Variants in ZNF230 observed in about 807,000 individuals in gnomAD.
ZNF230 encodes the protein zinc finger protein 230.
A neutral mutation model predicts 10.0 loss-of-function variants in ZNF230; 12 were observed. The observed-to-expected ratio is 1.20, with a 90% CI of 0.77 to 1.95. ZNF230 has a LOEUF of 1.95. ZNF230 is among the 30% of genes most tolerant of loss of function. The probability of loss-of-function intolerance (pLI) is 0.00; values close to 1 mark genes in which losing one functional copy is unlikely to be tolerated. For synonymous variants in ZNF230, 174 were observed against 193.6 expected, an observed-to-expected ratio of 0.90 and a Z score of 0.84; for missense variants, 532 against 565.8, an observed-to-expected ratio of 0.94 and a Z score of 0.61.
rs760315150 is a variant in ZNF230 at position 44,012,452 on chromosome 19, C to T, written c.*988C>T. Reference sequence around the variant, plus strand: ...TGTTTAAGTTAAATTCAGTGTTTCACCATAGCTCAGCATTCTCCCATCATC... The same window carrying T: ...TGTTTAAGTTAAATTCAGTGTTTCATCATAGCTCAGCATTCTCCCATCATC... On this transcript the variant is annotated 3_prime_UTR_variant, in exon 5 of 5. Transcript: ENST00000429154. The T allele has an allele frequency of 3.9e-6, 2 of 519,032 alleles. No homozygotes were observed. Among genetic ancestry groups the T allele is most frequent in the Middle Eastern group, 3.2e-4 (1 of 3,146 alleles). 32.2% of individuals were successfully genotyped at this position (519,032 alleles called of 1,614,324 possible). A position where few individuals can be genotyped will look rare whatever the true frequency, so the allele number is the denominator to read the frequency against.
rs566743968 is a variant in ZNF230 at position 44,011,285 on chromosome 19, C to T, written c.1246C>T (p.Arg416Trp). The T allele has an allele frequency of 1.7e-5, 27 of 1,613,890 alleles. No homozygotes were observed. The highest frequency in any genetic ancestry group is 1.2e-4 in the African/African-American group (9 of 74,864). Reference sequence around the variant, plus strand: ...TTTGAATCATAAGAAACTCCACTGCCGGAAAAAACCCTTCAAATGTGAGGA... The same window carrying T: ...TTTGAATCATAAGAAACTCCACTGCTGGAAAAAACCCTTCAAATGTGAGGA... ...SILNHKKLHCRKKPFKCEDCG... is the reference protein window; with the variant it reads ...SILNHKKLHCWKKPFKCEDCG... Residue 416 changes from arginine (R) to tryptophan (W), a missense_variant, in exon 5 of 5, where the codon CGG becomes TGG. Transcript: ENST00000429154.
In ZNF230 at chr19:44,011,363, C is replaced by T; in HGVS notation, c.1324C>T (p.His442Tyr). 1.2e-6 allele frequency: 2 copies of T among 1,614,010 alleles called. No individual in the cohort carries two copies. Among genetic ancestry groups the T allele is most frequent in the Non-Finnish European group, 8.5e-7 (1 of 1,179,916 alleles). ...RSFCKDQQGD[H>Y]NGENSSKCED... ...TTTCTGTAAAGACCAACAAGGAGACCACAATGGAGAAAACTCATCCAAATG... is the reference window on the plus strand; with the variant it reads ...TTTCTGTAAAGACCAACAAGGAGACTACAATGGAGAAAACTCATCCAAATG... Residue 442 changes from histidine (H) to tyrosine (Y), a missense_variant, in exon 5 of 5, where the codon CAC becomes TAC. By Grantham distance (83) the His-to-Tyr change is moderately conservative (BLOSUM62 2). Transcript: ENST00000429154.
At position 44,012,562 on chromosome 19, in the gene ZNF230, C is replaced by T; in HGVS notation, c.*1098C>T. On this transcript the variant is annotated 3_prime_UTR_variant, in exon 5 of 5. Transcript: ENST00000429154. ...TACGCTTGTCATTCAGGAGACAGGC[C>T]TTAGAATAAGAGTTTGTTCACACAT... 4.1e-6 allele frequency: 2 copies of T among 487,084 alleles called. No individual in the cohort carries two copies. The highest frequency in any genetic ancestry group is 4.1e-6 in the Non-Finnish European group (1 of 245,550). The allele number at this position is 487,084 out of a possible 1,614,324, so 30.2% of individuals were successfully genotyped here. A position where few individuals can be genotyped will look rare whatever the true frequency, so the allele number is the denominator to read the frequency against.
At chr19:44,008,767 GT>G in intron 2 of ZNF230, 22 bp from the exon 3 acceptor site, 1 of 1,612,318 alleles carries the variant, frequency 6.2e-7, no homozygotes, top group Non-Finnish European at 8.5e-7. Flanking sequence ...TAGGATTGAG[GT>G]TATGTATCCT....
rs1976130919 is a variant in ZNF230 at position 44,007,089 on chromosome 19, T to C, written c.11T>C (p.Phe4Ser). The change falls in exon 2 of 5, where the codon TTC becomes TCC. Residue 4 changes from phenylalanine to serine, a missense_variant. Phe to Ser is a radical substitution (Grantham distance 155). Coordinates refer to ENST00000429154, the MANE Select transcript of ZNF230 (RefSeq NM_006300.4). MTTFKEAVTFKDVA... is the reference protein window; with the variant it reads MTTSKEAVTFKDVA... ...AAAGTAGTAGGAAAAATGACCACATTCAAGGTGAGTAGAGCTCACCTCTCT... is the reference window on the plus strand; with the variant it reads ...AAAGTAGTAGGAAAAATGACCACATCCAAGGTGAGTAGAGCTCACCTCTCT... 1 of 1,606,134 alleles carries C rather than the reference T, an allele frequency of 6.2e-7. No homozygotes were observed. The highest frequency in any genetic ancestry group is 8.5e-7 in the Non-Finnish European group (1 of 1,173,394).
chr19:44,008,835 GA>G lies in ZNF230; in HGVS notation c.63del (p.Glu21AspfsTer16). 1 of 1,614,086 alleles carries G rather than the reference GA, an allele frequency of 6.2e-7. No individual in the cohort carries two copies. Among genetic ancestry groups the G allele is most frequent in the Non-Finnish European group, 8.5e-7 (1 of 1,179,984 alleles). On this transcript the variant is annotated frameshift_variant, in exon 3 of 5. Transcript: ENST00000429154. LOFTEE classifies it high-confidence loss of function. ...TGTGGCTGTGTTCTTCACTGAGGAG[GA>G]ACTGGGGCTACTGGACCCTGCCCAG... ...KDVAVFFTEE[E>X]LGLLDPAQRK... is the part of the protein sequence containing the mutation.
In ZNF230 at chr19:44,009,093, C is replaced by T; in HGVS notation, c.152C>T (p.Pro51Leu). The stretch of plus-strand genomic sequence containing the variant: ...CTTTGCATGTTCACAGGGCATCAAC[C>T]ATTCCACCCTTTCCACTTCCTAAGG... ...FTNLLSVGHQPFHPFHFLREE... is the reference protein window; with the variant it reads ...FTNLLSVGHQLFHPFHFLREE... Residue 51 changes from proline to leucine, a missense_variant, in exon 4 of 5, where the codon CCA becomes CTA. Pro to Leu is a moderately conservative substitution (Grantham distance 98). Coordinates refer to ENST00000429154, the MANE Select transcript of ZNF230 (RefSeq NM_006300.4). 1.2e-6 allele frequency: 2 copies of T among 1,614,128 alleles called. No homozygotes were observed. Among genetic ancestry groups the T allele is most frequent in the African/African-American group, 2.7e-5 (2 of 75,040 alleles).
chr19:44,009,394 A>C, intron 4 of ZNF230: 2 of 575,036 alleles, frequency 3.5e-6, no homozygotes, highest in South Asian at 2.4e-5. Context: ...TCAGTTTTCC[A>C]CTCCTTGGTC....
chr19:44,009,017 A>G, intron 3 of ZNF230, 67 bp from the exon 4 acceptor site: 9 of 1,604,324 alleles, frequency 5.6e-6, no homozygotes, highest in Non-Finnish European at 7.7e-6. Context: ...TTAAATTTCC[A>G]GTAAATTTTA....
In ZNF230 at chr19:44,012,053, C is replaced by CTG; in HGVS notation, c.*590_*591dup. 1 of 228,190 alleles carries CTG rather than the reference C, an allele frequency of 4.4e-6. No homozygotes were observed. Among genetic ancestry groups the CTG allele is most frequent in the South Asian group, 5.7e-5 (1 of 17,572 alleles). 14.1% of individuals were successfully genotyped at this position (228,190 alleles called of 1,614,324 possible). On this transcript the variant is annotated 3_prime_UTR_variant, in exon 5 of 5. Coordinates refer to ENST00000429154, the MANE Select transcript of ZNF230 (RefSeq NM_006300.4). ...CCAATGAACATGGTAGTGTAGATAT[C>CTG]TGATCCACATACTGATTTCCTTTGC...
intron 2 of ZNF230, 37 bp from the exon 3 acceptor site, chr19:44,008,753 G>A (rs769460851): frequency 6.2e-7 from 1 of 1,608,718 alleles, no homozygotes; most frequent in Non-Finnish European, 8.5e-7. Flanking sequence ...GTAGTCCATG[G>A]TCATAGGATT....
intron 2 of ZNF230, among the ~76,000 whole-genome samples, chr19:44,008,195 T>A (rs771169661): frequency 2.0e-5 from 3 of 152,114 alleles, no homozygotes; most frequent in Non-Finnish European, 4.4e-5. Flanking sequence ...TAACTCAAGA[T>A]ATTATCTTTT....
At chr19:44,008,664 A>C in intron 2 of ZNF230, 126 bp from the exon 3 acceptor site, 1 of 1,222,072 alleles carries the variant, frequency 8.2e-7, no homozygotes, top group East Asian at 2.4e-5. Context: ...CACTGTCAGG[A>C]TACAGACAGA....
chr19:44,007,534 G>A (rs892185870), intron 2 of ZNF230, among the ~76,000 whole-genome samples: 1 of 152,042 alleles, frequency 6.6e-6, no homozygotes, highest in Non-Finnish European at 1.5e-5. Flanking sequence ...CCCACATTGC[G>A]CATGTTGGCT....
chr19:44,010,723 AT>A lies in ZNF230; in HGVS notation c.685del (p.Cys229ValfsTer44). Reference sequence around the variant, plus strand: ...GAGAGAAACCATTCAAATGTGAGCAATGTGGGAAAGGCTTCAGATGTAGAGC... The same window carrying A: ...GAGAGAAACCATTCAAATGTGAGCAAGTGGGAAAGGCTTCAGATGTAGAGC... ...TGEKPFKCEQ[C>X]GKGFRCRAIL... On this transcript the variant is annotated frameshift_variant, in exon 5 of 5. Coordinates refer to ENST00000429154, the MANE Select transcript of ZNF230 (RefSeq NM_006300.4). LOFTEE classifies it low-confidence loss of function (END_TRUNC). The A allele has an allele frequency of 6.2e-7, 1 of 1,614,172 alleles. No homozygotes were observed. The highest frequency in any genetic ancestry group is 8.5e-7 in the Non-Finnish European group (1 of 1,180,016).
intron 1 of ZNF230, among the ~76,000 whole-genome samples, chr19:44,004,966 A>G (rs1456430662): frequency 6.6e-6 from 1 of 151,090 alleles, no homozygotes; most frequent in Non-Finnish European, 1.5e-5. Context: ...AAAAAAAAAT[A>G]CAAAAAATTA....
At chr19:44,005,212 A>G (rs1472620132) in intron 1 of ZNF230, among the ~76,000 whole-genome samples, 3 of 152,180 alleles carry the variant, frequency 2.0e-5, no homozygotes, top group Non-Finnish European at 4.4e-5. Flanking sequence ...AAAATAGTAT[A>G]AGGAGTTCTC....
chr19:44,008,726 A>G (rs1976144159), intron 2 of ZNF230, 64 bp from the exon 3 acceptor site: 5 of 1,583,812 alleles, frequency 3.2e-6, no homozygotes, highest in Admixed American at 3.4e-5. Flanking sequence ...CGCCTGCTCA[A>G]TGCTGCTCCT....
chr19:44,007,377 T>C (rs1358314774), intron 2 of ZNF230, among the ~76,000 whole-genome samples: 1 of 152,236 alleles, frequency 6.6e-6, no homozygotes. Context: ...ATTTTTCTTC[T>C]TGTGCTGTTC....
Sources: allele counts gnomAD v4.1 joint callset (sites outside exome capture counted in the v4.1 genomes callset), GRCh38; gene constraint gnomAD v4.1.1; transcripts MANE v1.5; gene names NCBI Gene and HGNC (gene_info 2026-07-23, HGNC 2026-07-21).